Variants in NIPAL2 observed in about 807,000 individuals in gnomAD.
The protein encoded by NIPAL2 is NIPA-like protein 2.
NIPAL2 carries 43 observed loss-of-function variants against 48.9 expected under a neutral mutation model. The observed-to-expected ratio is 0.88, with a 90% CI of 0.69 to 1.13. The LOEUF (loss-of-function observed/expected upper bound fraction) is 1.13. Among genes scored for constraint, NIPAL2 ranks in the 50% most tolerant of loss-of-function variants. The probability of loss-of-function intolerance (pLI) is 0.00; values close to 1 mark genes in which losing one functional copy is unlikely to be tolerated. For missense variants in NIPAL2, 446 were observed against 461.4 expected (o/e 0.97, Z 0.31); for synonymous variants, 167 against 174.6 (o/e 0.96, Z 0.34).
intron 5 of NIPAL2, among the ~76,000 whole-genome samples, chr8:98,220,623 G>A (rs1296000418): frequency 6.6e-6 from 1 of 152,002 alleles, no homozygotes; most frequent in South Asian, 2.1e-4. Flanking sequence ...TTGCCAGACT[G>A]GTCTCAAACT....
intron 4 of NIPAL2, among the ~76,000 whole-genome samples, chr8:98,225,364 C>T (rs1812116120): frequency 6.6e-6 from 1 of 152,150 alleles, no homozygotes; most frequent in African/African-American, 2.4e-5. Flanking sequence ...TCCTTTTAAA[C>T]TTATTTATAT....
chr8:98,201,061 C>T (rs1029012753), intron 8 of NIPAL2, among the ~76,000 whole-genome samples: 10 of 152,154 alleles, frequency 6.6e-5, no homozygotes, highest in South Asian at 6.2e-4. Flanking sequence ...AGGAGGGTGG[C>T]GGCATGTTAC....
chr8:98,293,737 G>C (rs1176477243), intron 1 of NIPAL2, among the ~76,000 whole-genome samples: 3 of 152,234 alleles, frequency 2.0e-5, no homozygotes, highest in Non-Finnish European at 4.4e-5. Flanking sequence ...TCCCAGGAAC[G>C]GGTGGCTGAG....
intron 3 of NIPAL2, among the ~76,000 whole-genome samples, chr8:98,242,358 A>G (rs1290948742): frequency 6.6e-6 from 1 of 151,646 alleles, no homozygotes; most frequent in Non-Finnish European, 1.5e-5. Flanking sequence ...GCTAGTTTTT[A>G]ATTTTTTTTG....
At chr8:98,194,699 T>G in intron 10 of NIPAL2, 29 bp downstream of exon 10, 1 of 1,292,962 alleles carries the variant, frequency 7.7e-7, no homozygotes, top group Non-Finnish European at 1.1e-6. Context: ...AGGATCAAAT[T>G]TTCCACTATA....
chr8:98,290,867 C>T (rs921645789), intron 1 of NIPAL2, among the ~76,000 whole-genome samples: 3 of 152,054 alleles, frequency 2.0e-5, no homozygotes, highest in African/African-American at 4.8e-5. Context: ...GGAAAAGGCC[C>T]GGCATTGCTG....
intron 4 of NIPAL2, among the ~76,000 whole-genome samples, chr8:98,223,437 A>G (rs1812002594): frequency 6.6e-6 from 1 of 152,178 alleles, no homozygotes; most frequent in African/African-American, 2.4e-5. Flanking sequence ...TATAATTAGC[A>G]GTCTGACAAA....
intron 4 of NIPAL2, among the ~76,000 whole-genome samples, chr8:98,229,506 G>A (rs1346625270): frequency 6.6e-6 from 1 of 152,144 alleles, no homozygotes; most frequent in Non-Finnish European, 1.5e-5. Flanking sequence ...CTGAGTAGCT[G>A]GAACTACAGG....
chr8:98,282,755 A>G (rs987987236), intron 1 of NIPAL2, among the ~76,000 whole-genome samples: 1 of 152,230 alleles, frequency 6.6e-6, no homozygotes, highest in Non-Finnish European at 1.5e-5. Context: ...AATGCTTTTT[A>G]GATTACTGGG....
chr8:98,219,755 A>G (rs1305873654), intron 5 of NIPAL2, among the ~76,000 whole-genome samples: 1 of 152,118 alleles, frequency 6.6e-6, no homozygotes, highest in Non-Finnish European at 1.5e-5. Flanking sequence ...GCTGTTCATC[A>G]TCAACACTGT....
chr8:98,243,994 T>C (rs920869395), intron 3 of NIPAL2, among the ~76,000 whole-genome samples: 1 of 152,216 alleles, frequency 6.6e-6, no homozygotes, highest in Admixed American at 6.5e-5. Flanking sequence ...TTCACTTTGT[T>C]TATTTCTTTC....
At chr8:98,193,949 A>G (rs1232667420) in intron 10 of NIPAL2, among the ~76,000 whole-genome samples, 1 of 152,190 alleles carries the variant, frequency 6.6e-6, no homozygotes, top group East Asian at 1.9e-4. Context: ...CAAAGAGAAC[A>G]CAGAATTCAT....
intron 8 of NIPAL2, 91 bp from the exon 9 acceptor site, chr8:98,196,096 A>G: frequency 2.5e-6 from 2 of 807,000 alleles, no homozygotes; most frequent in Non-Finnish European, 3.8e-6. Context: ...TTAATATGTT[A>G]TTTTTTCAAA....
chr8:98,286,087 CTT>C (rs1156847458), intron 1 of NIPAL2, among the ~76,000 whole-genome samples: 1 of 152,132 alleles, frequency 6.6e-6, no homozygotes, highest in East Asian at 1.9e-4. Context: ...ATAAAAGCAA[CTT>C]TGGCCCTCTC....
In NIPAL2 at chr8:98,238,632, G is replaced by A. The variant is rs1812839212; in HGVS notation, c.377-2418C>T. Among the ~76,000 whole-genome samples, 3 of 148,216 alleles carry A rather than the reference G, an allele frequency of 2.0e-5. No homozygotes were observed. The South Asian group carries it at 6.3e-4, about 31-fold the overall frequency. ...CCTTTTTTTTTTTTTCCTCAACTTAGCTTTTTCTCATTCTGGTTGATCTTT... is the reference window on the plus strand; with the variant it reads ...CCTTTTTTTTTTTTTCCTCAACTTAACTTTTTCTCATTCTGGTTGATCTTT... On this transcript the variant is annotated intron_variant, in intron 3 of 10. Coordinates refer to ENST00000430223, the MANE Select transcript of NIPAL2 (RefSeq NM_001321635.2).
chr8:98,194,936 C>T (rs967751249), intron 9 of NIPAL2, 114 bp from the exon 10 acceptor site: 7 of 560,002 alleles, frequency 1.3e-5, no homozygotes, highest in Admixed American at 4.1e-5. Context: ...TTTGTTCTTC[C>T]AGTTTCTCAT....
intron 1 of NIPAL2, among the ~76,000 whole-genome samples, chr8:98,286,834 AC>A (rs11295223): frequency 0.11 from 15,244 of 135,414 alleles, 808 homozygotes; most frequent in Middle Eastern, 0.22. Context: ...AAAAAAAAAA[AC>A]CAAAAACAAA....
chr8:98,292,726 A>ATTTTTT (rs11445213), intron 1 of NIPAL2, among the ~76,000 whole-genome samples: 1 of 141,004 alleles, frequency 7.1e-6, no homozygotes, highest in Non-Finnish European at 1.6e-5. Context: ...CTAACCCTCT[A>ATTTTTT]TTTTTTTTTT....
chr8:98,192,956 C>T lies in NIPAL2; in HGVS notation c.*22G>A, dbSNP rs749839615. On this transcript the variant is annotated 3_prime_UTR_variant, in exon 11 of 11. Coordinates refer to ENST00000430223, the MANE Select transcript of NIPAL2 (RefSeq NM_001321635.2). ...AAAAAGGTGGTATCGAATAACAGGC[C>T]AACAGCCATCCTTCTCAGCATTTAG... is the stretch of plus-strand genomic sequence containing the variant. The T allele has an allele frequency of 3.4e-6, 5 of 1,488,690 alleles. No homozygotes were observed. Among genetic ancestry groups the T allele is most frequent in the Middle Eastern group, 1.7e-4 (1 of 5,834 alleles). 92.2% of individuals were successfully genotyped at this position (1,488,690 alleles called of 1,614,324 possible). A position where few individuals can be genotyped will look rare whatever the true frequency, so the allele number is the denominator to read the frequency against.
Sources: allele counts gnomAD v4.1 joint callset (sites outside exome capture counted in the v4.1 genomes callset), GRCh38; gene constraint gnomAD v4.1.1; transcripts MANE v1.5; gene names NCBI Gene and HGNC (gene_info 2026-07-23, HGNC 2026-07-21).